RTN4: variants seen among roughly 807,000 people sequenced by gnomAD.
RTN4 encodes the protein reticulon-4.
RTN4 carries 32 observed loss-of-function variants against 90.4 expected under a neutral mutation model. The observed-to-expected ratio is 0.35, with a 90% CI of 0.27 to 0.48. The LOEUF is 0.48. RTN4 is among the 20% of genes least tolerant of loss of function. The pLI, the probability that RTN4 is intolerant of heterozygous loss-of-function variation, is 0.99. For synonymous variants in RTN4, 629 were observed against 552.5 expected (o/e 1.14, Z -1.94); for missense variants, 1,706 against 1,430.2 (o/e 1.19, Z -3.11).
intron 2 of RTN4, among the ~76,000 whole-genome samples, chr2:55,078,715 T>C (rs546507635): frequency 1.3e-5 from 2 of 152,228 alleles, no homozygotes; most frequent in South Asian, 4.1e-4. Flanking sequence ...AAACACAGAG[T>C]AAATGTGTTA....
intron 1 of RTN4, among the ~76,000 whole-genome samples, chr2:55,043,769 C>A (rs1319441782): frequency 6.6e-6 from 1 of 152,022 alleles, no homozygotes; most frequent in African/African-American, 2.4e-5. Context: ...GCCTGTGGTC[C>A]CAGCTACTCG....
chr2:55,077,260 G>A (rs1668619722), intron 2 of RTN4, among the ~76,000 whole-genome samples: 1 of 151,636 alleles, frequency 6.6e-6, no homozygotes, highest in African/African-American at 2.4e-5. Flanking sequence ...TGATCCTCCT[G>A]CCTCGGCCTC....
intron 3 of RTN4, among the ~76,000 whole-genome samples, chr2:55,005,326 TAGAA>T (rs745359040): frequency 1.7e-4 from 26 of 152,180 alleles, no homozygotes; most frequent in Non-Finnish European, 8.8e-5. Flanking sequence ...GTAAATAAAA[TAGAA>T]AGGCTATTTC....
the RTN4 span, among the ~76,000 whole-genome samples, chr2:55,126,565 T>C: frequency 6.6e-6 from 1 of 152,230 alleles, no homozygotes; most frequent in Non-Finnish European, 1.5e-5. Context: ...GGAACACTTA[T>C]ACGCTGTTGG....
chr2:55,004,693 C>T (rs12469804), intron 3 of RTN4, among the ~76,000 whole-genome samples: 10,616 of 152,092 alleles, frequency 0.07, 486 homozygotes, highest in Middle Eastern at 0.1. Flanking sequence ...CCTTTTCCTT[C>T]ATTGACAAGC....
intron 3 of RTN4, among the ~76,000 whole-genome samples, chr2:55,012,312 T>C (rs961171339): frequency 6.6e-6 from 1 of 152,154 alleles, no homozygotes; most frequent in African/African-American, 2.4e-5. Context: ...CCCTGACAGA[T>C]TAAAAAGTCA....
Position 55,049,799 on chromosome 2 carries a change from C to T in RTN4, c.502G>A (p.Ala168Thr). ...GGCGCGGCCGGGGTGGAGGGGGGCG[C>T]GGCGGGAGCCGGGGCTGGCGGGGTC... ...VWTPPAPAPAAPPSTPAAPKR... is the reference protein window; with the variant it reads ...VWTPPAPAPATPPSTPAAPKR... Residue 168 changes from alanine to threonine, a missense_variant, in exon 1 of 9, where the codon GCG becomes ACG. Transcript: ENST00000337526. The T allele has an allele frequency of 8.2e-7, 1 of 1,212,872 alleles. No homozygotes were observed. The highest frequency in any genetic ancestry group is 2.5e-5 in the South Asian group (1 of 40,768). The allele number at this position is 1,212,872 out of a possible 1,614,324, so 75.1% of individuals were successfully genotyped here.
chr2:55,091,426 C>T (rs1379348807), intron 1 of RTN4, among the ~76,000 whole-genome samples: 1 of 152,230 alleles, frequency 6.6e-6, no homozygotes, highest in Non-Finnish European at 1.5e-5. Context: ...CTGTCTGCCC[C>T]AATCCCTAAA....
At chr2:55,059,118 C>T (rs1371712721) in intron 2 of RTN4, among the ~76,000 whole-genome samples, 1 of 151,884 alleles carries the variant, frequency 6.6e-6, no homozygotes, top group African/African-American at 2.4e-5. Context: ...TTGAGCAAGT[C>T]AATTCATTTT....
At chr2:55,049,235 C>T (rs1667954644) in intron 1 of RTN4, 1 of 945,994 alleles carries the variant, frequency 1.1e-6, no homozygotes, top group Non-Finnish European at 1.3e-6. Context: ...CCACGCCAGC[C>T]AGGAGGTGAG....
intron 3 of RTN4, among the ~76,000 whole-genome samples, chr2:54,993,100 A>G (rs1045682927): frequency 3.3e-5 from 5 of 151,546 alleles, no homozygotes; most frequent in Non-Finnish European, 4.4e-5. Context: ...AAAAGAAAAG[A>G]AATTAAACAT....
chr2:55,067,811 T>C (rs1573494986), intron 2 of RTN4, among the ~76,000 whole-genome samples: 1 of 152,364 alleles, frequency 6.6e-6, no homozygotes, highest in African/African-American at 2.4e-5. Flanking sequence ...TAGCTATTAA[T>C]ATTTACTGTG....
At chr2:55,132,668 C>T in the RTN4 span, among the ~76,000 whole-genome samples, 1 of 151,308 alleles carries the variant, frequency 6.6e-6, no homozygotes, top group Non-Finnish European at 1.5e-5. Context: ...AAAAATTAGC[C>T]GGGCATGATG....
chr2:55,129,483 G>C, the RTN4 span, among the ~76,000 whole-genome samples: 2 of 152,124 alleles, frequency 1.3e-5, no homozygotes, highest in African/African-American at 4.8e-5. Context: ...AGGAGGTTGA[G>C]ATAGGAGGAT....
chr2:55,010,212 A>C, intron 3 of RTN4: 13 of 1,595,192 alleles, frequency 8.1e-6, no homozygotes, highest in South Asian at 5.5e-5. Context: ...CTGAGACATG[A>C]AATACCCGTT....
At chr2:55,049,015 G>A (rs1355802438) in intron 1 of RTN4, 2 of 756,148 alleles carry the variant, frequency 2.6e-6, no homozygotes, top group Non-Finnish European at 3.2e-6. Context: ...TCCCTGGCTC[G>A]GTTTAGCTGG....
chr2:55,087,383 T>A lies in RTN4; in HGVS notation c.-213-6744A>T, dbSNP rs1668860701. Reference sequence around the variant, plus strand: ...CACTCATTAGCTTTTATCATTGTTGTTTTTAATGTTATACTTTTACAACAT... The same window carrying A: ...CACTCATTAGCTTTTATCATTGTTGATTTTAATGTTATACTTTTACAACAT... On this transcript the variant is annotated intron_variant, in intron 1 of 3. Transcript: ENST00000427710. Among the ~76,000 whole-genome samples the A allele has an allele frequency of 2.0e-5, 3 of 152,252 alleles. No individual in the cohort carries two copies. The South Asian group carries it at 6.2e-4, about 31-fold the overall frequency.
intron 2 of RTN4, among the ~76,000 whole-genome samples, chr2:55,074,012 G>A (rs1372367585): frequency 6.6e-6 from 1 of 152,138 alleles, no homozygotes; most frequent in Non-Finnish European, 1.5e-5. Flanking sequence ...TTCCAAAACA[G>A]CTCACTTGCC....
intron 1 of RTN4, among the ~76,000 whole-genome samples, chr2:55,036,327 C>G (rs185331465): frequency 2.7e-4 from 41 of 152,066 alleles, no homozygotes; most frequent in Middle Eastern, 3.4e-3. Context: ...ATAGGTCGCA[C>G]GCAGTGGCTC....
Sources: allele counts gnomAD v4.1 joint callset (sites outside exome capture counted in the v4.1 genomes callset), GRCh38; gene constraint gnomAD v4.1.1; transcripts MANE v1.5; gene names NCBI Gene and HGNC (gene_info 2026-07-23, HGNC 2026-07-21).